TRAPPC9: variants seen among roughly 807,000 people sequenced by gnomAD.
TRAPPC9 encodes trafficking protein particle complex subunit 9.
In TRAPPC9, 83 loss-of-function variants were observed where a neutral mutation model predicts 124.0. That is an observed-to-expected ratio of 0.67 (90% CI 0.56 to 0.80). The LOEUF (loss-of-function observed/expected upper bound fraction) is 0.80. Ranked by LOEUF, TRAPPC9 falls within the 30% of genes least tolerant of loss-of-function variation. TRAPPC9 has a pLI of 0.00. For missense variants in TRAPPC9, 1,302 were observed against 1,508.3 expected (o/e 0.86, Z 2.27); for synonymous variants, 638 against 617.5 (o/e 1.03, Z -0.49).
At position 140,147,858 on chromosome 8, in the gene TRAPPC9, T is replaced by C. The variant is rs182494490; in HGVS notation, c.2556+73601A>G. ...ACGGCGGCGGCTCAGGACAAGCACA[T>C]GGAGCCTGTGACCAGACCCGGCAGG... is the stretch of plus-strand genomic sequence containing the variant. On this transcript the variant is annotated intron_variant, in intron 17 of 22. Coordinates refer to ENST00000438773, the MANE Select transcript of TRAPPC9 (RefSeq NM_001160372.4). Among the ~76,000 whole-genome samples the C allele has an allele frequency of 2.9e-3, 441 of 152,340 alleles. 1 individual carries two copies. Among genetic ancestry groups the C allele is most frequent in the Non-Finnish European group, 4.6e-3 (314 of 68,038 alleles).
rs543947403 is a variant in TRAPPC9 at position 140,124,357 on chromosome 8, G to T, written c.2556+97102C>A. ...CCAGCCTCTGGCTTCCATAGTCACA[G>T]CCCCTACCCCTCTCTCTGCCCAGCC... is the stretch of plus-strand genomic sequence containing the variant. On this transcript the variant is annotated intron_variant, in intron 17 of 22. Transcript: ENST00000438773. Among the ~76,000 whole-genome samples, 7 of 152,266 alleles carry T rather than the reference G, an allele frequency of 4.6e-5. No individual in the cohort carries two copies. In the East Asian group the frequency reaches 1.4e-3, roughly 29 times the overall value.
At chr8:140,440,351 C>A (rs913196045) in intron 2 of TRAPPC9, among the ~76,000 whole-genome samples, 1 of 151,872 alleles carries the variant, frequency 6.6e-6, no homozygotes, top group African/African-American at 2.4e-5. Context: ...ACTAAAAATA[C>A]AAAAAATTAG....
At chr8:140,033,694 T>G (rs999419011) in intron 17 of TRAPPC9, among the ~76,000 whole-genome samples, 4 of 113,660 alleles carry the variant, frequency 3.5e-5, no homozygotes, top group Non-Finnish European at 6.5e-5. Flanking sequence ...TTTTTTTTTT[T>G]TTTTTGAGAC....
chr8:140,163,741 A>G (rs527993808), intron 17 of TRAPPC9, among the ~76,000 whole-genome samples: 2 of 152,234 alleles, frequency 1.3e-5, no homozygotes, highest in East Asian at 3.9e-4. Context: ...TTCAAGGGAG[A>G]TAAGGGGGAG....
intron 19 of TRAPPC9, among the ~76,000 whole-genome samples, chr8:139,959,406 G>A (rs1835227763): frequency 6.6e-6 from 1 of 152,276 alleles, no homozygotes; most frequent in South Asian, 2.1e-4. Flanking sequence ...TGTAAAATAG[G>A]TCATTATCCC....
intron 7 of TRAPPC9, among the ~76,000 whole-genome samples, chr8:140,394,942 T>C (rs2069045118): frequency 6.6e-6 from 1 of 152,182 alleles, no homozygotes; most frequent in South Asian, 2.1e-4. Flanking sequence ...GGCGCAGTGC[T>C]GAACCCCACG....
At chr8:139,748,174 G>T (rs1210608389) in intron 21 of TRAPPC9, among the ~76,000 whole-genome samples, 2 of 66,752 alleles carry the variant, frequency 3.0e-5, no homozygotes, top group African/African-American at 2.0e-4. Context: ...GGGTGTGGGG[G>T]TGTCCCGGGG....
chr8:139,782,323 T>G (rs1341358742), intron 21 of TRAPPC9, among the ~76,000 whole-genome samples: 1 of 152,146 alleles, frequency 6.6e-6, no homozygotes, highest in Non-Finnish European at 1.5e-5. Flanking sequence ...GAGGTTGCAG[T>G]GAGCAGAGAT....
intron 11 of TRAPPC9, among the ~76,000 whole-genome samples, chr8:140,294,756 C>T (rs867718016): frequency 1.5e-5 from 2 of 135,530 alleles, no homozygotes; most frequent in African/African-American, 2.8e-5. Flanking sequence ...TACAGGTGTG[C>T]GCCACCATGC....
intron 18 of TRAPPC9, among the ~76,000 whole-genome samples, chr8:139,994,733 T>C (rs1837857709): frequency 6.6e-6 from 1 of 152,112 alleles, no homozygotes; most frequent in Non-Finnish European, 1.5e-5. Context: ...AGAAATGATG[T>C]TTCAGTTAGG....
chr8:139,806,614 G>A (rs768296885), intron 21 of TRAPPC9, among the ~76,000 whole-genome samples: 3 of 152,198 alleles, frequency 2.0e-5, no homozygotes, highest in Non-Finnish European at 4.4e-5. Flanking sequence ...GGCAGTAGCC[G>A]AGCCTCCTGA....
intron 12 of TRAPPC9, 28 bp downstream of exon 12, chr8:140,290,965 A>G (rs755686295): frequency 1.9e-6 from 3 of 1,601,204 alleles, no homozygotes; most frequent in Admixed American, 1.7e-5. Flanking sequence ...TGTTAGCCCA[A>G]AAAGGTCAAA....
chr8:139,826,523 A>T (rs1433284356), intron 21 of TRAPPC9, among the ~76,000 whole-genome samples: 2 of 152,198 alleles, frequency 1.3e-5, no homozygotes, highest in Non-Finnish European at 2.9e-5. Context: ...TAAACGCACA[A>T]CTGAATGAAG....
chr8:140,351,447 G>A (rs1052311004), intron 9 of TRAPPC9, among the ~76,000 whole-genome samples: 1 of 151,744 alleles, frequency 6.6e-6, no homozygotes, highest in Admixed American at 6.6e-5. Flanking sequence ...ATTGTATGAA[G>A]TGTTACAAGT....
At chr8:140,062,408 T>A (rs778351081) in intron 17 of TRAPPC9, among the ~76,000 whole-genome samples, 1 of 152,178 alleles carries the variant, frequency 6.6e-6, no homozygotes, top group Non-Finnish European at 1.5e-5. Flanking sequence ...CTTTTCCAGC[T>A]TCACCTTCTA....
At chr8:140,190,981 C>T (rs997214488) in intron 17 of TRAPPC9, among the ~76,000 whole-genome samples, 6 of 152,130 alleles carry the variant, frequency 3.9e-5, no homozygotes, top group Non-Finnish European at 7.3e-5. Flanking sequence ...ACCAAAGTCA[C>T]GTCTGCTGTT....
intron 17 of TRAPPC9, among the ~76,000 whole-genome samples, chr8:140,101,931 ATATT>A (rs1475300222): frequency 6.6e-6 from 1 of 151,792 alleles, no homozygotes; most frequent in Non-Finnish European, 1.5e-5. Flanking sequence ...GTTGGGAAAA[ATATT>A]TATTTCATGA....
chr8:140,155,631 C>T (rs752735899), intron 17 of TRAPPC9, among the ~76,000 whole-genome samples: 22 of 152,196 alleles, frequency 1.4e-4, no homozygotes, highest in Non-Finnish European at 2.5e-4. Context: ...AGGACAATCT[C>T]GTTTGTTTTA....
At chr8:139,948,301 A>G (rs1194286369) in intron 19 of TRAPPC9, among the ~76,000 whole-genome samples, 1 of 150,420 alleles carries the variant, frequency 6.6e-6, no homozygotes, top group Non-Finnish European at 1.5e-5. Context: ...ACACACTGTG[A>G]CGTACAGATC....
Sources: gnomAD v4.1 joint callset for allele counts (sites outside exome capture counted in the v4.1 genomes callset) on GRCh38, gnomAD v4.1.1 for gene constraint, MANE v1.5 for transcripts, NCBI Gene and HGNC (gene_info 2026-07-23, HGNC 2026-07-21) for gene names.